The following ADGRL4 variants were observed in gnomAD, a reference collection of about 807,000 sequenced individuals.
ADGRL4 encodes the protein EGF, latrophilin and seven transmembrane domain containing 1.
Under a neutral mutation model 74.8 loss-of-function variants are expected in ADGRL4, and 90 were observed. The observed-to-expected ratio is 1.20, with a 90% CI of 1.02 to 1.43. The LOEUF is 1.43. Among genes scored for constraint, ADGRL4 ranks in the 40% most tolerant of loss-of-function variants. ADGRL4 has a pLI of 0.00. For missense variants in ADGRL4, 881 were observed against 814.3 expected (o/e 1.08, Z -1.00); for synonymous variants, 311 against 279.2 (o/e 1.11, Z -1.14).
chr1:78,893,058 C>CAAAAAAAAA, intron 13 of ADGRL4, 40 bp downstream of exon 13: 2 of 847,858 alleles, frequency 2.4e-6, no homozygotes, highest in South Asian at 2.0e-5. Flanking sequence ...TTTTAATTAC[C>CAAAAAAAAA]AAAAAAAAAA....
chr1:79,005,748 T>C (rs1043722458), intron 1 of ADGRL4, among the ~76,000 whole-genome samples: 4 of 152,240 alleles, frequency 2.6e-5, no homozygotes, highest in African/African-American at 9.6e-5. Flanking sequence ...TTGTTTTCAA[T>C]TTCAATTGTT....
chr1:79,003,463 G>A (rs1236352643), intron 2 of ADGRL4, among the ~76,000 whole-genome samples: 1 of 151,486 alleles, frequency 6.6e-6, no homozygotes, highest in Admixed American at 6.6e-5. Flanking sequence ...TACAAATTAT[G>A]TTCTGTGTGA....
At chr1:78,912,085 G>A (rs996013322) in intron 12 of ADGRL4, among the ~76,000 whole-genome samples, 4 of 151,832 alleles carry the variant, frequency 2.6e-5, no homozygotes, top group African/African-American at 9.7e-5. Flanking sequence ...ACTCACAGAG[G>A]TTCCAATGTG....
chr1:79,001,013 GATAT>G (rs1434821017), intron 2 of ADGRL4, among the ~76,000 whole-genome samples: 12 of 151,976 alleles, frequency 7.9e-5, no homozygotes, highest in Non-Finnish European at 1.3e-4. Context: ...ATATTCGTGA[GATAT>G]ATACTTGTAA....
At chr1:78,951,115 T>C (rs757656649) in intron 2 of ADGRL4, among the ~76,000 whole-genome samples, 8 of 152,126 alleles carry the variant, frequency 5.3e-5, no homozygotes, top group African/African-American at 1.7e-4. Context: ...CTGCTTTTCT[T>C]TGTGCTTCAT....
chr1:78,978,008 C>A (rs1157860160), intron 2 of ADGRL4, among the ~76,000 whole-genome samples: 1 of 151,796 alleles, frequency 6.6e-6, no homozygotes, highest in African/African-American at 2.4e-5. Flanking sequence ...ATCCTTCAAA[C>A]AAGTTTTGCA....
intron 12 of ADGRL4, among the ~76,000 whole-genome samples, chr1:78,907,238 T>C (rs1458735599): frequency 6.6e-6 from 1 of 152,080 alleles, no homozygotes; most frequent in East Asian, 1.9e-4. Context: ...AAAGTGATAG[T>C]TTATAATGAA....
At chr1:79,002,223 T>C (rs957354545) in intron 2 of ADGRL4, among the ~76,000 whole-genome samples, 2 of 152,138 alleles carry the variant, frequency 1.3e-5, no homozygotes, top group Non-Finnish European at 2.9e-5. Context: ...TGAAAGTCAA[T>C]GCATTTATTA....
intron 2 of ADGRL4, among the ~76,000 whole-genome samples, chr1:78,988,531 G>A (rs1650541656): frequency 6.6e-6 from 1 of 151,818 alleles, no homozygotes; most frequent in Non-Finnish European, 1.5e-5. Flanking sequence ...CTGAATGAAG[G>A]TGTCTTGATA....
At chr1:78,908,338 GT>G (rs1361599386) in intron 12 of ADGRL4, among the ~76,000 whole-genome samples, 2 of 151,970 alleles carry the variant, frequency 1.3e-5, no homozygotes, top group Admixed American at 6.6e-5. Flanking sequence ...GAGCTTGAAG[GT>G]TTTGTCTGTT....
At chr1:78,926,828 G>C in intron 8 of ADGRL4, 58 bp downstream of exon 8, 1 of 1,252,420 alleles carries the variant, frequency 8.0e-7, no homozygotes. Context: ...ACAACAAAGA[G>C]TCCAGTTCTC....
intron 2 of ADGRL4, among the ~76,000 whole-genome samples, chr1:78,996,872 A>G (rs1650727737): frequency 6.6e-6 from 1 of 152,220 alleles, no homozygotes; most frequent in African/African-American, 2.4e-5. Context: ...AAATTAGCCA[A>G]TGAATTCAGG....
intron 12 of ADGRL4, among the ~76,000 whole-genome samples, chr1:78,903,338 C>T (rs1313247964): frequency 6.6e-6 from 1 of 152,072 alleles, no homozygotes; most frequent in Non-Finnish European, 1.5e-5. Context: ...ATTCATACTA[C>T]TAAGGAAAAT....
intron 2 of ADGRL4, among the ~76,000 whole-genome samples, chr1:78,986,249 T>A (rs534804001): frequency 6.6e-6 from 1 of 151,426 alleles, no homozygotes; most frequent in South Asian, 2.1e-4. Context: ...TGAAAAAAAA[T>A]GTGATTCATA....
intron 2 of ADGRL4, among the ~76,000 whole-genome samples, chr1:78,982,567 T>C (rs1443727859): frequency 6.6e-6 from 1 of 151,912 alleles, no homozygotes; most frequent in Non-Finnish European, 1.5e-5. Flanking sequence ...TAGCTTCCTT[T>C]ATGCTCATAA....
intron 2 of ADGRL4, among the ~76,000 whole-genome samples, chr1:79,001,243 G>A (rs7413366): frequency 0.41 from 50,772 of 124,010 alleles, 10,594 homozygotes; most frequent in East Asian, 0.6. Flanking sequence ...GGGAGGGAGG[G>A]AGGAAGGAAG....
rs186194431 is a variant in ADGRL4 at position 78,900,871 on chromosome 1, T to A, written c.1750-7682A>T. Among the ~76,000 whole-genome samples the A allele has an allele frequency of 6.6e-3, 1,007 of 152,236 alleles. 5 individuals are homozygous for A. Among genetic ancestry groups the A allele is most frequent in the Non-Finnish European group, 0.011 (716 of 67,998 alleles). On this transcript the variant is annotated intron_variant, in intron 12 of 14. Transcript: ENST00000370742. ...ACTAAATACAATGTGTATATGTATA[T>A]AATGAAATACCCTATAATTATAGTT...
Position 78,938,241 on chromosome 1 carries a change from T to G in ADGRL4, c.435A>C (p.Glu145Asp), listed in dbSNP as rs754970546. The G allele has an allele frequency of 1.2e-6, 2 of 1,606,632 alleles. No individual in the cohort carries two copies. The highest frequency in any genetic ancestry group is 1.7e-5 in the Admixed American group (1 of 58,630). Residue 145 changes from glutamate (E) to aspartate (D), a missense_variant, in exon 5 of 15, where the codon GAA becomes GAC. Glu to Asp is a conservative substitution (Grantham distance 45). Transcript: ENST00000370742. ...SIKEPVALLQEVYRNSVTDLS... is the reference protein window; with the variant it reads ...SIKEPVALLQDVYRNSVTDLS... ...GATCTGTCACAGAATTTCTATAGACTTCTTGTAGCAAAGCCACAGGTTCTT... is the reference window on the plus strand; with the variant it reads ...GATCTGTCACAGAATTTCTATAGACGTCTTGTAGCAAAGCCACAGGTTCTT...
At chr1:78,933,755 C>G (rs1442735414) in intron 7 of ADGRL4, among the ~76,000 whole-genome samples, 1 of 139,546 alleles carries the variant, frequency 7.2e-6, no homozygotes, top group African/African-American at 2.6e-5. Flanking sequence ...AATCAATGTG[C>G]AAAAATCACA....
Sources: allele counts gnomAD v4.1 joint callset (sites outside exome capture counted in the v4.1 genomes callset), GRCh38; gene constraint gnomAD v4.1.1; transcripts MANE v1.5; gene names NCBI Gene and HGNC (gene_info 2026-07-23, HGNC 2026-07-21).